Variants in CHAF1A observed in about 807,000 individuals in gnomAD.
The protein encoded by CHAF1A is CAF-1 subunit A.
A neutral mutation model predicts 93.2 loss-of-function variants in CHAF1A; 5 were observed. The ratio of observed to expected loss-of-function variants is 0.05; its 90% CI spans 0.03 to 0.11. The LOEUF is 0.11. CHAF1A is among the 10% of genes least tolerant of loss of function. CHAF1A has a pLI of 1.00. For synonymous variants in CHAF1A, 504 were observed against 510.3 expected, an observed-to-expected ratio of 0.99 and a Z score of 0.17; for missense variants, 1,102 against 1,259.9, an observed-to-expected ratio of 0.87 and a Z score of 1.90.
At chr19:4,446,361 T>C (rs201322182), downstream of CHAF1A, 276 of 1,572,678 alleles carry the variant, frequency 1.8e-4, 1 homozygote, top group Middle Eastern at 9.9e-4. Flanking sequence ...TGCTCCTCCT[T>C]CTCCCGCATG....
At position 4,432,134 on chromosome 19, in the gene CHAF1A, C is replaced by T. The variant is rs1235238872; in HGVS notation, c.2130C>T (p.Cys710=). The change falls in exon 12 of 15, where the codon TGC becomes TGT. Residue 710 remains cysteine, a synonymous_variant. Transcript: ENST00000301280. The stretch of plus-strand genomic sequence containing the variant: ...AGGTACTGCAGCAGTTCGCAGCCTG[C>T]TTCCTGGAGACCCTGCCGGCCCAGG... ...DLKVLQQFAA[C]FLETLPAQEE... 9 of 1,613,448 alleles carry T rather than the reference C, an allele frequency of 5.6e-6. No individual in the cohort carries two copies. The highest frequency in any genetic ancestry group is 2.2e-5 in the East Asian group (1 of 44,836).
chr19:4,447,783 T>G, downstream of CHAF1A: 1 of 704,516 alleles, frequency 1.4e-6, no homozygotes, highest in East Asian at 2.8e-5. Context: ...CATCTCCGGG[T>G]GGAAGGCACA....
chr19:4,415,889 G>A (rs1973888558), intron 3 of CHAF1A, among the ~76,000 whole-genome samples: 2 of 152,010 alleles, frequency 1.3e-5, no homozygotes, highest in Non-Finnish European at 2.9e-5. Flanking sequence ...AGAAATCACT[G>A]TTGGCCGGGC....
At chr19:4,429,986 C>G in intron 10 of CHAF1A, 198 bp downstream of exon 10, 1 of 556,222 alleles carries the variant, frequency 1.8e-6, no homozygotes, top group East Asian at 3.2e-5. Flanking sequence ...TCTGGTGACA[C>G]TCGCCCACGT....
chr19:4,409,051 C>T lies in CHAF1A; in HGVS notation c.252C>T (p.Asp84=). Residue 84 remains aspartate, a synonymous_variant, in exon 3 of 15, where the codon GAC becomes GAT. Coordinates refer to ENST00000301280, the MANE Select transcript of CHAF1A (RefSeq NM_005483.3). Reference sequence around the variant, plus strand: ...AAAACAACTGTCATGTGGGTTCTGACATAGACTTTAGACCGAAACTTGTCA... The same window carrying T: ...AAAACAACTGTCATGTGGGTTCTGATATAGACTTTAGACCGAAACTTGTCA... ...TLENNCHVGS[D]IDFRPKLVNG... 1 of 1,614,182 alleles carries T rather than the reference C, an allele frequency of 6.2e-7. No homozygotes were observed. Among genetic ancestry groups the T allele is most frequent in the Non-Finnish European group, 8.5e-7 (1 of 1,180,034 alleles).
At position 4,432,151 on chromosome 19, in the gene CHAF1A, C is replaced by G. The variant is rs372020675; in HGVS notation, c.2147C>G (p.Pro716Arg). 6.2e-7 allele frequency: 1 copy of G among 1,612,650 alleles called. No individual in the cohort carries two copies. The highest frequency in any genetic ancestry group is 1.3e-5 in the African/African-American group (1 of 74,832). ...GCAGCCTGCTTCCTGGAGACCCTGC[C>G]GGCCCAGGAGGAGCAGACGCCCAAG... Reference protein sequence around the residue: ...QFAACFLETLPAQEEQTPKAS... With the variant: ...QFAACFLETLRAQEEQTPKAS... The change falls in exon 12 of 15, where the codon CCG (proline) becomes CGG (arginine). Residue 716 changes from proline (P) to arginine (R), a missense_variant. By Grantham distance (103) the Pro-to-Arg change is moderately radical. Coordinates refer to ENST00000301280, the MANE Select transcript of CHAF1A (RefSeq NM_005483.3).
downstream of CHAF1A, chr19:4,447,434 C>G (rs555176300): frequency 1.5e-5 from 17 of 1,140,838 alleles, no homozygotes; most frequent in Non-Finnish European, 2.1e-5. Context: ...GCTTGTGGCT[C>G]AACTCTCGCT....
intron 2 of CHAF1A, among the ~76,000 whole-genome samples, chr19:4,408,019 CTT>C (rs368460265): frequency 6.7e-6 from 1 of 150,118 alleles, no homozygotes. Flanking sequence ...CCCACCCCCT[CTT>C]TTTTTTTGAG....
Position 4,408,794 on chromosome 19 carries a change from T to C in CHAF1A, c.104-109T>C, listed in dbSNP as rs1031403531. The C allele has an allele frequency of 5.7e-6, 8 of 1,414,766 alleles. No individual in the cohort carries two copies. The Admixed American group carries it at 6.8e-5, about 12-fold the overall frequency. The allele number at this position is 1,414,766 out of a possible 1,614,324, so 87.6% of individuals were successfully genotyped here. ...CGGCCCAGATAGTCCCTTTTTAAAC[T>C]TTAAAATTATCTCCCACCCCCATGT... On this transcript the variant is annotated intron_variant, in intron 2 of 14. Coordinates refer to ENST00000301280, the MANE Select transcript of CHAF1A (RefSeq NM_005483.3).
chr19:4,450,541 G>A, the CHAF1A span: 10 of 152,068 alleles, frequency 6.6e-5, no homozygotes, highest in Admixed American at 3.3e-4. Flanking sequence ...GGCGGATCAC[G>A]AGGTCAGGAG....
At chr19:4,418,255 C>T (rs1005817253) in intron 4 of CHAF1A, among the ~76,000 whole-genome samples, 179 bp downstream of exon 4, 1 of 152,102 alleles carries the variant, frequency 6.6e-6, no homozygotes, top group Admixed American at 6.6e-5. Context: ...TGGATTGTGT[C>T]ATTTTTTGGC....
rs911159023 is a variant in CHAF1A at position 4,442,931 on chromosome 19, A to G, written c.2777A>G (p.Gln926Arg). The change falls in exon 15 of 15, where the codon CAA becomes CGA. Residue 926 changes from glutamine (Q) to arginine (R), a missense_variant. Physicochemically the swap from Gln to Arg is conservative, Grantham distance 43. This residue lies in a region of CHAF1A where 119 missense variants were observed against 102.2 expected (regional missense o/e 1.16). Transcript: ENST00000301280. ...TCCCTCTCTTGCCCTGCAGAGGTCCAAGCCCCGTGTGGAGCCGCTTCCGGA... is the reference window on the plus strand; with the variant it reads ...TCCCTCTCTTGCCCTGCAGAGGTCCGAGCCCCGTGTGGAGCCGCTTCCGGA... ...IVDVPDAAEV[Q>R]APCGAASGAG... The G allele has an allele frequency of 3.8e-6, 6 of 1,592,926 alleles. No individual in the cohort carries two copies. In the African/African-American group the frequency reaches 6.7e-5, roughly 18 times the overall value.
chr19:4,427,292 G>A (rs1974103116), intron 7 of CHAF1A, among the ~76,000 whole-genome samples: 1 of 146,214 alleles, frequency 6.8e-6, no homozygotes, highest in Admixed American at 6.9e-5. Context: ...TGGGACTACA[G>A]GTGCCCACCA....
At chr19:4,416,660 C>T (rs549005770) in intron 3 of CHAF1A, among the ~76,000 whole-genome samples, 1 of 152,000 alleles carries the variant, frequency 6.6e-6, no homozygotes, top group Non-Finnish European at 1.5e-5. Context: ...GGAGGCGAGG[C>T]GGGTGGATCA....
intron 3 of CHAF1A, among the ~76,000 whole-genome samples, chr19:4,414,056 A>T (rs549547037): frequency 1.3e-5 from 2 of 152,160 alleles, no homozygotes; most frequent in Non-Finnish European, 2.9e-5. Flanking sequence ...GATTGCTGGA[A>T]CTTCTTTCCA....
chr19:4,446,529 T>G (rs1974528250), downstream of CHAF1A: 8 of 1,611,680 alleles, frequency 5.0e-6, no homozygotes, highest in Non-Finnish European at 6.8e-6. Flanking sequence ...TGATCTCCTC[T>G]GCTGTGAGGT....
chr19:4,419,214 A>G (rs1259377243), intron 4 of CHAF1A, among the ~76,000 whole-genome samples: 1 of 151,892 alleles, frequency 6.6e-6, no homozygotes, highest in Non-Finnish European at 1.5e-5. Context: ...TAAAGGTTAG[A>G]GAAATTGAAC....
downstream of CHAF1A, chr19:4,446,307 G>C: frequency 6.4e-7 from 1 of 1,572,988 alleles, no homozygotes; most frequent in South Asian, 1.1e-5. Context: ...CCATCGGGGA[G>C]GCGCACGCGC....
intron 6 of CHAF1A, 49 bp from the exon 7 acceptor site, chr19:4,423,749 AACACATAC>A: frequency 6.5e-7 from 1 of 1,542,594 alleles, no homozygotes; most frequent in Non-Finnish European, 9.0e-7. Flanking sequence ...CATGTTTTGC[AACACATAC>A]TGTTCCTCTT....
Sources: allele counts gnomAD v4.1 joint callset (sites outside exome capture counted in the v4.1 genomes callset), GRCh38; gene constraint gnomAD v4.1.1; regional missense constraint gnomAD v4.1.1; transcripts MANE v1.5; gene names NCBI Gene and HGNC (gene_info 2026-07-23, HGNC 2026-07-21).